The following SH3BP4 variants were observed in gnomAD, a reference collection of about 807,000 sequenced individuals.
The protein encoded by SH3BP4 is SH3 domain-binding protein 4.
A neutral mutation model predicts 65.5 loss-of-function variants in SH3BP4; 33 were observed. That is an observed-to-expected ratio of 0.50 (90% CI 0.38 to 0.67). SH3BP4 has a LOEUF of 0.67. Ranked by LOEUF, SH3BP4 falls within the 30% of genes least tolerant of loss-of-function variation. SH3BP4 has a pLI of 0.00. For missense variants in SH3BP4, 1,134 were observed against 1,261.4 expected, an observed-to-expected ratio of 0.90 and a Z score of 1.53; for synonymous variants, 552 against 545.5, an observed-to-expected ratio of 1.01 and a Z score of -0.17.
intron 1 of SH3BP4, among the ~76,000 whole-genome samples, chr2:234,964,773 C>T (rs1692797383): frequency 6.6e-6 from 1 of 152,158 alleles, no homozygotes; most frequent in South Asian, 2.1e-4. Flanking sequence ...TTCTGCACTT[C>T]CCTCGCTTTG....
In SH3BP4 at chr2:235,055,152, A is replaced by G. The variant is rs771290883; in HGVS notation, c.*1336A>G. The G allele has an allele frequency of 1.6e-4, 25 of 152,224 alleles. No homozygotes were observed. Among genetic ancestry groups the G allele is most frequent in the Non-Finnish European group, 3.1e-4 (21 of 68,062 alleles). The allele number at this position is 152,224 out of a possible 1,614,324, so 9.4% of individuals were successfully genotyped here. The stretch of plus-strand genomic sequence containing the variant: ...GAAGGGAGCAGGAGGAAGGACTGAT[A>G]CTGGCAAATCAGTAGAGTGAGGTGA... On this transcript the variant is annotated 3_prime_UTR_variant, in exon 6 of 6. Coordinates refer to ENST00000392011, the MANE Select transcript of SH3BP4 (RefSeq NM_014521.3).
chr2:235,019,540 G>A (rs538329444), intron 2 of SH3BP4, among the ~76,000 whole-genome samples: 3 of 150,766 alleles, frequency 2.0e-5, no homozygotes, highest in Non-Finnish European at 4.4e-5. Flanking sequence ...ATGTTCAAGC[G>A]ATTCTCCTGC....
chr2:235,054,291 A>G lies in SH3BP4; in HGVS notation c.*475A>G, dbSNP rs942317882. On this transcript the variant is annotated 3_prime_UTR_variant, in exon 6 of 6. Transcript: ENST00000392011. The stretch of plus-strand genomic sequence containing the variant: ...GCATTTCAACACTCAGCCCGGAAAG[A>G]TGCTCGTTCGGTTGTTGGACCTCTT... The G allele has an allele frequency of 5.8e-5, 9 of 155,926 alleles. No homozygotes were observed. Among genetic ancestry groups the G allele is most frequent in the African/African-American group, 2.2e-4 (9 of 41,456 alleles). The allele number at this position is 155,926 out of a possible 1,614,324, so 9.7% of individuals were successfully genotyped here. A position where few individuals can be genotyped will look rare whatever the true frequency, so the allele number is the denominator to read the frequency against.
intron 1 of SH3BP4, among the ~76,000 whole-genome samples, chr2:234,985,158 G>T (rs1407900048): frequency 7.9e-5 from 12 of 152,158 alleles, no homozygotes; most frequent in Non-Finnish European, 1.8e-4. Context: ...AGAATATCTT[G>T]ACAGCGCAGC....
intron 2 of SH3BP4, among the ~76,000 whole-genome samples, chr2:235,028,216 G>T (rs1222564291): frequency 6.6e-6 from 1 of 152,214 alleles, no homozygotes; most frequent in Non-Finnish European, 1.5e-5. Flanking sequence ...GTGAAGAGGT[G>T]AGATGGAGCC....
chr2:234,984,687 C>A (rs1023341527), intron 1 of SH3BP4, among the ~76,000 whole-genome samples: 1 of 152,142 alleles, frequency 6.6e-6, no homozygotes, highest in African/African-American at 2.4e-5. Flanking sequence ...CCGACCGAGT[C>A]CTCAGTTACA....
intron 1 of SH3BP4, chr2:234,979,418 C>T (rs533285585): frequency 1.1e-4 from 16 of 152,254 alleles, no homozygotes; most frequent in Admixed American, 8.5e-4. Flanking sequence ...TAAGCAACAT[C>T]GTTTGTTTTT....
At position 234,997,110 on chromosome 2, in the gene SH3BP4, G is replaced by A. The variant is rs367948108; in HGVS notation, c.-133+1734G>A. Among the ~76,000 whole-genome samples the A allele has an allele frequency of 1.4e-3, 218 of 152,364 alleles. No individual in the cohort carries two copies. Among genetic ancestry groups the A allele is most frequent in the African/African-American group, 5.0e-3 (209 of 41,586 alleles). On this transcript the variant is annotated intron_variant, in intron 2 of 5. Coordinates refer to ENST00000392011, the MANE Select transcript of SH3BP4 (RefSeq NM_014521.3). This position sits in a 1 kb window ranked among gnomAD's most constrained non-coding sequence, Gnocchi z 4.2. ...CACCCAGACTTGCCCTGGATACAGC[G>A]GGCAGAGCGTTGCATGTGCCTCTGG...
chr2:235,027,493 C>T (rs752526250), intron 2 of SH3BP4, among the ~76,000 whole-genome samples: 73 of 152,270 alleles, frequency 4.8e-4, no homozygotes, highest in Non-Finnish European at 7.5e-4. Context: ...CTCTTGCTCG[C>T]GGAGGGAGAT....
chr2:234,954,988 T>G (rs1024840883), intron 1 of SH3BP4, among the ~76,000 whole-genome samples: 2 of 152,172 alleles, frequency 1.3e-5, no homozygotes, highest in Non-Finnish European at 2.9e-5. Context: ...GGAGCTGCTG[T>G]TTACAACTGG....
At chr2:234,990,312 CTG>C (rs1693709354) in intron 1 of SH3BP4, among the ~76,000 whole-genome samples, 1 of 152,196 alleles carries the variant, frequency 6.6e-6, no homozygotes, top group Non-Finnish European at 1.5e-5. Flanking sequence ...GGGATGCAGG[CTG>C]TAGAGGCTCT....
intron 1 of SH3BP4, among the ~76,000 whole-genome samples, chr2:234,975,680 A>G (rs1326649686): frequency 1.3e-5 from 2 of 152,182 alleles, no homozygotes; most frequent in Non-Finnish European, 2.9e-5. Context: ...GTTCAAATCC[A>G]GCCTGAGCAA....
At chr2:234,996,478 G>A (rs57341040) in intron 2 of SH3BP4, among the ~76,000 whole-genome samples, 7,080 of 152,246 alleles carry the variant, frequency 0.047, 445 homozygotes, top group African/African-American at 0.15. Context: ...TCATAGTGAC[G>A]TGAGGAATTC....
intron 2 of SH3BP4, among the ~76,000 whole-genome samples, chr2:235,018,355 T>A (rs1694753114): frequency 1.3e-5 from 2 of 152,152 alleles, no homozygotes; most frequent in African/African-American, 4.8e-5. Flanking sequence ...GGGGTACGGG[T>A]ACAGGCTGTC....
At position 235,026,026 on chromosome 2, in the gene SH3BP4, AGTCTGAAGT is replaced by A. The variant is rs1340798520; in HGVS notation, c.-132-8844_-132-8836del. ...CCACAGACTGTGGGGGCCTCTGAAG[AGTCTGAAGT>A]AATGGTTGCTTTGAATGCAAGGAGA... is the stretch of plus-strand genomic sequence containing the variant. On this transcript the variant is annotated intron_variant, in intron 2 of 5. Coordinates refer to ENST00000392011, the MANE Select transcript of SH3BP4 (RefSeq NM_014521.3). The surrounding 1 kb of genome is among the most constrained non-coding windows in gnomAD (Gnocchi z 4.6). Among the ~76,000 whole-genome samples, 3 of 152,190 alleles carry A rather than the reference AGTCTGAAGT, an allele frequency of 2.0e-5. No homozygotes were observed. The highest frequency in any genetic ancestry group is 4.4e-5 in the Non-Finnish European group (3 of 68,038).
In SH3BP4 at chr2:235,033,435, G is replaced by A. The variant is rs1695268646; in HGVS notation, c.-132-1436G>A. Reference sequence around the variant, plus strand: ...CACCTGCCAGTGCCATCACATTAGGGGACAGACCTTCAACATAGGAGTTTC... The same window carrying A: ...CACCTGCCAGTGCCATCACATTAGGAGACAGACCTTCAACATAGGAGTTTC... On this transcript the variant is annotated intron_variant, in intron 2 of 5. Coordinates refer to ENST00000392011, the MANE Select transcript of SH3BP4 (RefSeq NM_014521.3). The surrounding 1 kb of genome is among the most constrained non-coding windows in gnomAD (Gnocchi z 5.7). Among the ~76,000 whole-genome samples the A allele has an allele frequency of 6.6e-6, 1 of 152,188 alleles. No homozygotes were observed. The highest frequency in any genetic ancestry group is 1.9e-4 in the East Asian group (1 of 5,198).
Position 234,991,138 on chromosome 2 carries a change from G to A in SH3BP4, c.-206-4165G>A, listed in dbSNP as rs924222877. Reference sequence around the variant, plus strand: ...GATGCAATTCCATCTATACCATTGGGAAATGGGGTGAATAGCTGTCTTGGT... The same window carrying A: ...GATGCAATTCCATCTATACCATTGGAAAATGGGGTGAATAGCTGTCTTGGT... On this transcript the variant is annotated intron_variant, in intron 1 of 5. Coordinates refer to ENST00000392011, the MANE Select transcript of SH3BP4 (RefSeq NM_014521.3). The surrounding 1 kb of genome is among the most constrained non-coding windows in gnomAD (Gnocchi z 4.2). Among the ~76,000 whole-genome samples, 1 of 152,192 alleles carries A rather than the reference G, an allele frequency of 6.6e-6. No individual in the cohort carries two copies. The highest frequency in any genetic ancestry group is 1.9e-4 in the East Asian group (1 of 5,194).
At chr2:234,963,785 T>G (rs1196911959) in intron 1 of SH3BP4, among the ~76,000 whole-genome samples, 1 of 152,148 alleles carries the variant, frequency 6.6e-6, no homozygotes, top group Non-Finnish European at 1.5e-5. Flanking sequence ...TCGTCATGGG[T>G]GTCCAGAGTG....
chr2:235,043,385 G>C (rs923518577), intron 4 of SH3BP4, 138 bp downstream of exon 4: 1 of 594,488 alleles, frequency 1.7e-6, no homozygotes, highest in Non-Finnish European at 3.0e-6. Flanking sequence ...CGCTGCCTGA[G>C]ATAGGTGCGG....
Sources: gnomAD v4.1 joint callset for allele counts (sites outside exome capture counted in the v4.1 genomes callset) on GRCh38, gnomAD v4.1.1 for gene constraint, Gnocchi (gnomAD v3.1) non-coding constraint, MANE v1.5 for transcripts, NCBI Gene and HGNC (gene_info 2026-07-23, HGNC 2026-07-21) for gene names.